ZC3H11A: variants seen among roughly 807,000 people sequenced by gnomAD.
ZC3H11A encodes zinc finger CCCH domain-containing protein 11A.
ZC3H11A carries 22 observed loss-of-function variants against 90.8 expected under a neutral mutation model. The observed-to-expected ratio is 0.24, with a 90% CI of 0.17 to 0.35. The LOEUF (loss-of-function observed/expected upper bound fraction) is 0.35. Ranked by LOEUF, ZC3H11A falls within the 10% of genes least tolerant of loss-of-function variation. The probability of loss-of-function intolerance (pLI) is 1.00; values close to 1 mark genes in which losing one functional copy is unlikely to be tolerated. For synonymous variants in ZC3H11A, 294 were observed against 339.8 expected (o/e 0.87, Z 1.48); for missense variants, 701 against 964.9 (o/e 0.73, Z 3.62).
rs1242736712 is a variant in ZC3H11A, at chr1:203,826,943, T to TA, written c.175-1355dup. ...AAGAAATAGAGTATTAGCAGTAATC[T>TA]ATCTTCCCCTTCATCCCCTTGTTAC... On this transcript the variant is annotated intron_variant, in intron 4 of 17. Transcript: ENST00000367210. Among the ~76,000 whole-genome samples the TA allele has an allele frequency of 4.4e-3, 668 of 152,336 alleles. 6 individuals carry two copies. The highest frequency in any genetic ancestry group is 0.015 in the African/African-American group (632 of 41,568).
chr1:203,795,682 T>G lies in ZC3H11A; in HGVS notation c.-1700T>G, dbSNP rs1250842671. ...GCTGGCAGTCTTGGTTTTCTGCTAGTGCTGCTGCTGCTGGGAGGACGACGG... is the reference window on the plus strand; with the variant it reads ...GCTGGCAGTCTTGGTTTTCTGCTAGGGCTGCTGCTGCTGGGAGGACGACGG... On this transcript the variant is annotated 5_prime_UTR_variant, in exon 1 of 18. Coordinates refer to ENST00000367210, the MANE Select transcript of ZC3H11A (RefSeq NM_001376342.1). The G allele has an allele frequency of 6.6e-6, 1 of 152,208 alleles. No homozygotes were observed. Among genetic ancestry groups the G allele is most frequent in the Non-Finnish European group, 1.5e-5 (1 of 68,040 alleles). The allele number at this position is 152,208 out of a possible 1,614,324, so 9.4% of individuals were successfully genotyped here.
intron 12 of ZC3H11A, among the ~76,000 whole-genome samples, chr1:203,842,625 C>CTT (rs575844553): frequency 3.2e-4 from 41 of 128,320 alleles, no homozygotes; most frequent in East Asian, 1.1e-3. Flanking sequence ...GAGGGGGAAT[C>CTT]TTTTTTTTTT....
rs1250620694 is a variant in ZC3H11A, at chr1:203,802,771, C to T, written c.-391C>T. On this transcript the variant is annotated 5_prime_UTR_variant, in exon 2 of 18. Transcript: ENST00000367210. The stretch of plus-strand genomic sequence containing the variant: ...TTTTGTTTTTGAGGAGATAACTAAC[C>T]CTAGCTGTCTCCAGTCTGACAAAGG... The T allele has an allele frequency of 1.3e-5, 2 of 150,240 alleles. No individual in the cohort carries two copies. Among genetic ancestry groups the T allele is most frequent in the South Asian group, 2.1e-4 (1 of 4,726 alleles). The allele number at this position is 150,240 out of a possible 1,614,324, so 9.3% of individuals were successfully genotyped here. A position where few individuals can be genotyped will look rare whatever the true frequency, so the allele number is the denominator to read the frequency against.
chr1:203,823,583 CCAAGG>C (rs1344679110), intron 4 of ZC3H11A, among the ~76,000 whole-genome samples: 2 of 152,198 alleles, frequency 1.3e-5, no homozygotes, highest in Non-Finnish European at 2.9e-5. Context: ...CGTCTAAAAG[CCAAGG>C]TCCCAGATGC....
chr1:203,853,762 C>G lies in ZC3H11A; in HGVS notation c.*1363C>G, dbSNP rs185117021. The G allele has an allele frequency of 2.0e-5, 3 of 152,630 alleles. No individual in the cohort carries two copies. Among genetic ancestry groups the G allele is most frequent in the Admixed American group, 1.3e-4 (2 of 15,278 alleles). 9.5% of individuals were successfully genotyped at this position (152,630 alleles called of 1,614,324 possible). A position where few individuals can be genotyped will look rare whatever the true frequency, so the allele number is the denominator to read the frequency against. ...AAAGCCACAGGACTGCCCATTCAGTCTTGGGAAGATTGGGATGATTCTGCA... is the reference window on the plus strand; with the variant it reads ...AAAGCCACAGGACTGCCCATTCAGTGTTGGGAAGATTGGGATGATTCTGCA... On this transcript the variant is annotated 3_prime_UTR_variant, in exon 18 of 18. Transcript: ENST00000367210.
intron 10 of ZC3H11A, among the ~76,000 whole-genome samples, chr1:203,834,354 C>T (rs191915029): frequency 1.3e-5 from 2 of 152,302 alleles, no homozygotes; most frequent in East Asian, 1.9e-4. Flanking sequence ...TCACTGCAAC[C>T]TCCACCTCCT....
rs1187366397 is a variant in ZC3H11A at position 203,847,638 on chromosome 1, C to T, written c.1497C>T (p.His499=). 6 of 1,613,162 alleles carry T rather than the reference C, an allele frequency of 3.7e-6. No individual in the cohort carries two copies. Among genetic ancestry groups the T allele is most frequent in the Non-Finnish European group, 5.1e-6 (6 of 1,179,972 alleles). ...SESSTSSPSQ[H]EATPGARRLL... is the part of the protein sequence containing the mutation. Reference sequence around the variant, plus strand: ...GCAGCACCAGCTCCCCGTCTCAACACGAGGCCACTCCAGGGGCAAGGCGGC... The same window carrying T: ...GCAGCACCAGCTCCCCGTCTCAACATGAGGCCACTCCAGGGGCAAGGCGGC... Residue 499 remains histidine, a synonymous_variant, in exon 13 of 18, where the codon CAC becomes CAT. Transcript: ENST00000367210.
chr1:203,824,236 C>T (rs1265167266), intron 4 of ZC3H11A, among the ~76,000 whole-genome samples: 1 of 150,336 alleles, frequency 6.7e-6, no homozygotes, highest in Non-Finnish European at 1.5e-5. Flanking sequence ...CCACTGTACT[C>T]CAGCCTGGGC....
chr1:203,838,739 TC>T (rs1685140349), intron 11 of ZC3H11A, among the ~76,000 whole-genome samples: 1 of 151,916 alleles, frequency 6.6e-6, no homozygotes, highest in Admixed American at 6.6e-5. Flanking sequence ...TCACCTGAGG[TC>T]AGATGTTTGA....
At chr1:203,805,909 T>G in intron 2 of ZC3H11A, 1 of 685,944 alleles carries the variant, frequency 1.5e-6, no homozygotes, top group Non-Finnish European at 2.7e-6. Context: ...AGTTTTCACT[T>G]GCTTGTCTAC....
rs763389396 is a variant in ZC3H11A at position 203,818,619 on chromosome 1, C to T, written c.104C>T (p.Thr35Ile). Residue 35 changes from threonine to isoleucine, a missense_variant, in exon 4 of 18, where the codon ACT becomes ATT. Physicochemically the swap from Thr to Ile is moderately conservative, Grantham distance 89. Coordinates refer to ENST00000367210, the MANE Select transcript of ZC3H11A (RefSeq NM_001376342.1). ...RHCEAAIGNE[T>I]VCTLWQEGRC... ...TGTGAAGCTGCAATAGGAAATGAAA[C>T]TGTTTGCACATTATGGCAAGAAGGG... is the stretch of plus-strand genomic sequence containing the variant. 3.7e-6 allele frequency: 6 copies of T among 1,614,114 alleles called. No homozygotes were observed. In the East Asian group the frequency reaches 1.3e-4, roughly 36 times the overall value.
chr1:203,818,452 C>G (rs1677119442), intron 3 of ZC3H11A, 118 bp from the exon 4 acceptor site: 3 of 1,343,022 alleles, frequency 2.2e-6, no homozygotes. Context: ...TGTTTTTTAC[C>G]TTACCAGTCC....
chr1:203,799,081 G>A, intron 1 of ZC3H11A: 1 of 1,536,108 alleles, frequency 6.5e-7, no homozygotes, highest in Non-Finnish European at 8.7e-7. Context: ...CCCGATTTTA[G>A]AAAGTGGGCA....
At chr1:203,852,070 C>T (rs1689447510) in intron 17 of ZC3H11A, 71 bp from the exon 18 acceptor site, 5 of 1,581,626 alleles carry the variant, frequency 3.2e-6, no homozygotes, top group Non-Finnish European at 4.3e-6. Context: ...CACTTTGTGT[C>T]CGTGAGACTA....
intron 4 of ZC3H11A, among the ~76,000 whole-genome samples, chr1:203,821,414 C>A (rs574751934): frequency 6.6e-6 from 1 of 152,010 alleles, no homozygotes; most frequent in African/African-American, 2.4e-5. Context: ...GTGTCGTACT[C>A]TGTTACTATC....
At chr1:203,846,671 T>C (rs993000413) in intron 12 of ZC3H11A, among the ~76,000 whole-genome samples, 1 of 152,208 alleles carries the variant, frequency 6.6e-6, no homozygotes, top group Non-Finnish European at 1.5e-5. Context: ...CATAAGTTAA[T>C]GAAGAATTTA....
intron 5 of ZC3H11A, 134 bp from the exon 6 acceptor site, chr1:203,829,317 G>A (rs1241613913): frequency 1.2e-6 from 1 of 864,098 alleles, no homozygotes; most frequent in Non-Finnish European, 1.8e-6. Context: ...TGGGACTTTA[G>A]AACTTAAATG....
chr1:203,850,712 A>C (rs1457169028), intron 16 of ZC3H11A, 31 bp downstream of exon 16: 2 of 1,602,712 alleles, frequency 1.2e-6, no homozygotes, highest in African/African-American at 2.7e-5. Flanking sequence ...GTGGTGCTTT[A>C]TTCTGTGTGG....
At chr1:203,810,686 T>C (rs1487353486) in intron 2 of ZC3H11A, among the ~76,000 whole-genome samples, 1 of 152,164 alleles carries the variant, frequency 6.6e-6, no homozygotes, top group Non-Finnish European at 1.5e-5. Context: ...CCCAAAATGC[T>C]GGGAATACAG....
Sources: gnomAD v4.1 joint callset for allele counts (sites outside exome capture counted in the v4.1 genomes callset) on GRCh38, gnomAD v4.1.1 for gene constraint, MANE v1.5 for transcripts, NCBI Gene and HGNC (gene_info 2026-07-23, HGNC 2026-07-21) for gene names.